Variants in GRIA1 observed in about 807,000 individuals in gnomAD.
GRIA1 encodes glutamate receptor 1.
A neutral mutation model predicts 99.2 loss-of-function variants in GRIA1; 31 were observed. The observed-to-expected ratio is 0.31, with a 90% CI of 0.23 to 0.42. The LOEUF is 0.42. Among genes scored for constraint, GRIA1 ranks in the 10% least tolerant of loss-of-function variants. GRIA1 has a pLI of 1.00. For missense variants in GRIA1, 782 were observed against 1,157.5 expected (o/e 0.68, Z 4.71); for synonymous variants, 438 against 432.4 (o/e 1.01, Z -0.16).
intron 11 of GRIA1, among the ~76,000 whole-genome samples, chr5:153,718,580 T>C (rs1759826422): frequency 6.6e-6 from 1 of 152,178 alleles, no homozygotes; most frequent in Non-Finnish European, 1.5e-5. Flanking sequence ...AAAAGGTCCA[T>C]TCATACCAAT....
chr5:153,521,526 A>G (rs140678140), intron 2 of GRIA1, among the ~76,000 whole-genome samples: 59 of 152,298 alleles, frequency 3.9e-4, no homozygotes, highest in African/African-American at 1.4e-3. Context: ...CCCGGGCAAA[A>G]AGAAGCAGCT....
At chr5:153,788,307 C>T (rs923887944) in intron 13 of GRIA1, among the ~76,000 whole-genome samples, 1 of 152,186 alleles carries the variant, frequency 6.6e-6, no homozygotes, top group African/African-American at 2.4e-5. Flanking sequence ...CCTTAATTCA[C>T]TCTTACCTGG....
rs1156882324 is a variant in GRIA1 at position 153,674,489 on chromosome 5, C to G, written c.700-11C>G. 1.9e-6 allele frequency: 3 copies of G among 1,613,828 alleles called. No homozygotes were observed. Among genetic ancestry groups the G allele is most frequent in the Non-Finnish European group, 2.5e-6 (3 of 1,179,868 alleles). ...GCATGTTCTAACTTCTCCCTCCTCC[C>G]CCTCTCACAGGGCTTCATGGACATT... is the stretch of plus-strand genomic sequence containing the variant. On this transcript the variant is annotated splice_polypyrimidine_tract_variant and intron_variant, in intron 5 of 15. Transcript: ENST00000285900.
chr5:153,492,107 T>C (rs1753967995), intron 1 of GRIA1: 1 of 1,413,746 alleles, frequency 7.1e-7, no homozygotes, highest in Non-Finnish European at 9.3e-7. Flanking sequence ...ATAGCTCCAC[T>C]AGGGAAAGTT....
chr5:153,661,863 A>G (rs1273750422), intron 5 of GRIA1, among the ~76,000 whole-genome samples: 1 of 152,238 alleles, frequency 6.6e-6, no homozygotes, highest in East Asian at 1.9e-4. Flanking sequence ...CACTTCATGT[A>G]GAGAGCCAGA....
At chr5:153,579,476 A>C (rs1762860539) in intron 2 of GRIA1, among the ~76,000 whole-genome samples, 1 of 152,006 alleles carries the variant, frequency 6.6e-6, no homozygotes, top group Non-Finnish European at 1.5e-5. Context: ...GCACTTCTTC[A>C]CTCTCTTACC....
chr5:153,593,522 A>T (rs944677029), intron 2 of GRIA1, among the ~76,000 whole-genome samples: 2 of 152,192 alleles, frequency 1.3e-5, no homozygotes, highest in Admixed American at 1.3e-4. Context: ...AACCAAGCCA[A>T]ATAGCACACT....
Position 153,647,161 on chromosome 5 carries a change from G to A in GRIA1, c.454G>A (p.Asp152Asn), listed in dbSNP as rs777562250. The change falls in exon 3 of 16, where the codon GAC becomes AAC. Residue 152 changes from aspartate (D) to asparagine (N), a missense_variant. Coordinates refer to ENST00000285900, the MANE Select transcript of GRIA1 (RefSeq NM_000827.4). ...GAAATTTGTCTACATTTATGATGCCGACCGGGGTAAGCCAAGGGTTAGGGG... is the reference window on the plus strand; with the variant it reads ...GAAATTTGTCTACATTTATGATGCCAACCGGGGTAAGCCAAGGGTTAGGGG... The part of the protein sequence containing the change: ...WQKFVYIYDA[D>N]RGLSVLQKVL... The A allele has an allele frequency of 1.9e-5, 30 of 1,613,592 alleles. No individual in the cohort carries two copies. The highest frequency in any genetic ancestry group is 6.7e-5 in the Admixed American group (4 of 59,966).
intron 2 of GRIA1, among the ~76,000 whole-genome samples, chr5:153,615,501 G>C (rs890641123): frequency 5.3e-5 from 8 of 152,154 alleles, no homozygotes; most frequent in Non-Finnish European, 1.2e-4. Flanking sequence ...AAAATCAGCT[G>C]AGCATGGTGG....
At chr5:153,754,531 G>A (rs1013455436) in intron 11 of GRIA1, among the ~76,000 whole-genome samples, 3 of 152,162 alleles carry the variant, frequency 2.0e-5, no homozygotes, top group African/African-American at 7.2e-5. Context: ...TAGGTGTGTG[G>A]AACTTTTGTG....
intron 2 of GRIA1, among the ~76,000 whole-genome samples, chr5:153,521,587 G>C (rs1757147607): frequency 6.6e-6 from 1 of 152,182 alleles, no homozygotes; most frequent in Non-Finnish European, 1.5e-5. Flanking sequence ...TCGGTGGTGA[G>C]CTTCCCAGAG....
chr5:153,773,120 A>C (rs1430402276), intron 13 of GRIA1, among the ~76,000 whole-genome samples: 1 of 152,240 alleles, frequency 6.6e-6, no homozygotes, highest in Non-Finnish European at 1.5e-5. Flanking sequence ...GTCAGTGCCT[A>C]TTAAGTGCCA....
At chr5:153,762,053 G>C (rs1763221642) in intron 11 of GRIA1, among the ~76,000 whole-genome samples, 1 of 152,132 alleles carries the variant, frequency 6.6e-6, no homozygotes, top group Non-Finnish European at 1.5e-5. Context: ...TTTGTGAACA[G>C]GTGCAAAGGC....
rs1218036969 is a variant in GRIA1, at chr5:153,605,061, C to A, written c.221-41867C>A. Among the ~76,000 whole-genome samples the A allele has an allele frequency of 3.3e-5, 5 of 152,048 alleles. No homozygotes were observed. The East Asian group carries it at 5.8e-4, about 18-fold the overall frequency. On this transcript the variant is annotated intron_variant, in intron 2 of 15. Coordinates refer to ENST00000285900, the MANE Select transcript of GRIA1 (RefSeq NM_000827.4). The stretch of plus-strand genomic sequence containing the variant: ...AATTAGCCAGGCCTGGTGGTGCACA[C>A]CTGTAATCCCAGCTACTAGGGAGGC...
At chr5:153,548,033 T>TA (rs1227909532) in intron 2 of GRIA1, among the ~76,000 whole-genome samples, 1 of 152,144 alleles carries the variant, frequency 6.6e-6, no homozygotes, top group Admixed American at 6.6e-5. Flanking sequence ...CCCCTTCTCA[T>TA]AAAAAAAATT....
intron 13 of GRIA1, among the ~76,000 whole-genome samples, chr5:153,771,763 A>C (rs1763897217): frequency 6.6e-6 from 1 of 152,214 alleles, no homozygotes; most frequent in Admixed American, 6.5e-5. Context: ...TCAAAACTAG[A>C]ACTAAAAGCG....
At chr5:153,650,274 T>C in intron 3 of GRIA1, 56 bp from the exon 4 acceptor site, 2 of 1,501,384 alleles carry the variant, frequency 1.3e-6, no homozygotes, top group Non-Finnish European at 9.1e-7. Flanking sequence ...TGGGAGTGGG[T>C]GGTGCCCACA....
At chr5:153,786,299 A>G (rs80024054) in intron 13 of GRIA1, among the ~76,000 whole-genome samples, 6,416 of 152,058 alleles carry the variant, frequency 0.042, 415 homozygotes, top group African/African-American at 0.14. Flanking sequence ...AGGTCCCCTC[A>G]TCATGACTAC....
chr5:153,723,919 C>A (rs1470359581), intron 11 of GRIA1, among the ~76,000 whole-genome samples: 1 of 152,220 alleles, frequency 6.6e-6, no homozygotes, highest in Non-Finnish European at 1.5e-5. Flanking sequence ...AGCTGGAGAT[C>A]TGAGAACGGG....
Sources: allele counts gnomAD v4.1 joint callset (sites outside exome capture counted in the v4.1 genomes callset), GRCh38; gene constraint gnomAD v4.1.1; transcripts MANE v1.5; gene names NCBI Gene and HGNC (gene_info 2026-07-23, HGNC 2026-07-21).